Variants in PRSS38 observed in about 807,000 individuals in gnomAD.
The protein encoded by PRSS38 is marapsin 2.
A neutral mutation model predicts 26.8 loss-of-function variants in PRSS38; 22 were observed. That is an observed-to-expected ratio of 0.82 (90% confidence interval 0.59 to 1.17). The LOEUF (loss-of-function observed/expected upper bound fraction) is 1.17, where lower values mean the gene tolerates loss of function less well. PRSS38 is among the 50% of genes most tolerant of loss of function. The pLI, the probability that PRSS38 is intolerant of heterozygous loss-of-function variation, is 0.00. For synonymous variants in PRSS38, 175 were observed against 172.1 expected (o/e 1.02, Z -0.13); for missense variants, 427 against 422.7 (o/e 1.01, Z -0.09).
chr1:227,827,462 T>A (rs1665091431), intron 3 of PRSS38, among the ~76,000 whole-genome samples: 2 of 152,150 alleles, frequency 1.3e-5, no homozygotes, highest in Admixed American at 6.5e-5. Flanking sequence ...TAGATTTTTT[T>A]AGTTTATCTG....
rs540693204 is a variant in PRSS38, at chr1:227,828,865, G to A, written c.583+11385G>A. On this transcript the variant is annotated intron_variant, in intron 3 of 4. Coordinates refer to ENST00000366757, the Ensembl canonical transcript of PRSS38. ...TGTGCCTGAGTGGCTACTCTGTCAG[G>A]ACTCCACACAGCTCTGTGTAGAGAG... is the stretch of plus-strand genomic sequence containing the variant. 6.7e-3 allele frequency among the ~76,000 whole-genome samples: 1,019 copies of A among 152,228 alleles called. 17 individuals carry two copies. The highest frequency in any genetic ancestry group is 0.023 in the African/African-American group (976 of 41,536).
intron 3 of PRSS38, among the ~76,000 whole-genome samples, chr1:227,832,610 C>T (rs1455152921): frequency 6.6e-6 from 1 of 152,104 alleles, no homozygotes; most frequent in African/African-American, 2.4e-5. Context: ...AATTAAGATG[C>T]CTGCTTTCAC....
intron 3 of PRSS38, among the ~76,000 whole-genome samples, chr1:227,841,418 C>G (rs755595442): frequency 6.6e-6 from 1 of 152,234 alleles, no homozygotes; most frequent in Non-Finnish European, 1.5e-5. Context: ...TGAGAGGAAC[C>G]GCAAGACATA....
intron 3 of PRSS38, among the ~76,000 whole-genome samples, chr1:227,821,071 G>A (rs1480533482): frequency 2.6e-5 from 4 of 152,124 alleles, no homozygotes; most frequent in Middle Eastern, 6.8e-3. Context: ...GATAAAAAGT[G>A]GAATTAAAAA....
rs201176685 is a variant in PRSS38 at position 227,817,204 on chromosome 1, C to G, written c.312-5C>G. On this transcript the variant is annotated splice_region_variant and splice_polypyrimidine_tract_variant and intron_variant, in intron 2 of 4. Coordinates refer to ENST00000366757, the Ensembl canonical transcript of PRSS38. ...GGCATTGTACCTCTGTTCTCACCCCCACAGGGACAAGAATATCAAAATCTA... is the reference window on the plus strand; with the variant it reads ...GGCATTGTACCTCTGTTCTCACCCCGACAGGGACAAGAATATCAAAATCTA... 3.7e-6 allele frequency: 6 copies of G among 1,611,650 alleles called. No homozygotes were observed. Among genetic ancestry groups the G allele is most frequent in the East Asian group, 2.2e-5 (1 of 44,812 alleles).
intron 3 of PRSS38, among the ~76,000 whole-genome samples, chr1:227,818,852 C>G (rs1664961206): frequency 6.6e-6 from 1 of 151,968 alleles, no homozygotes; most frequent in Non-Finnish European, 1.5e-5. Flanking sequence ...TTAGCTATTT[C>G]TTGAAGGTTT....
At position 227,816,109 on chromosome 1, in the gene PRSS38, G is replaced by A. The variant is rs773569448; in HGVS notation, c.168G>A (p.Met56Ile). 5.6e-6 allele frequency: 9 copies of A among 1,613,344 alleles called. No individual in the cohort carries two copies. In the South Asian group the frequency reaches 7.7e-5, roughly 14 times the overall value. Residue 56 changes from methionine to isoleucine, a missense_variant, in exon 2 of 5, where the codon ATG becomes ATA. Coordinates refer to ENST00000366757, the Ensembl canonical transcript of PRSS38. The surrounding 1 kb of genome is among the most constrained non-coding windows in gnomAD (Gnocchi z 5.1). ...CTGCAGCCTGTGGTCGGCCCAGCAT[G>A]GAGGGGAAAATCCTGGGCGGCGTCC...
At chr1:227,820,557 G>C (rs1178826137) in intron 3 of PRSS38, among the ~76,000 whole-genome samples, 1 of 151,900 alleles carries the variant, frequency 6.6e-6, no homozygotes, top group African/African-American at 2.4e-5. Flanking sequence ...TTCTTATGTT[G>C]AATTACACTT....
chr1:227,845,826 G>A (rs953153845), intron 4 of PRSS38, 128 bp from the exon 5 acceptor site: 1 of 1,368,658 alleles, frequency 7.3e-7, no homozygotes, highest in East Asian at 2.3e-5. Flanking sequence ...GGGAGGCTGG[G>A]TGAGAGGGGG....
intron 1 of PRSS38, 61 bp downstream of exon 1, chr1:227,815,925 G>A (rs1459972493): frequency 1.3e-6 from 2 of 1,541,206 alleles, no homozygotes; most frequent in Non-Finnish European, 1.8e-6. Flanking sequence ...GCGTCTGTCG[G>A]TGCTGGGCCT....
intron 3 of PRSS38, among the ~76,000 whole-genome samples, chr1:227,822,021 C>T (rs1665010180): frequency 6.6e-6 from 1 of 152,064 alleles, no homozygotes; most frequent in South Asian, 2.1e-4. Flanking sequence ...ACTTTCCTTC[C>T]TCTTTTTTCC....
At chr1:227,825,069 T>C (rs1363224801) in intron 3 of PRSS38, among the ~76,000 whole-genome samples, 1 of 152,236 alleles carries the variant, frequency 6.6e-6, no homozygotes, top group African/African-American at 2.4e-5. Flanking sequence ...AGCTCTTTAG[T>C]TTAATTAGAT....
chr1:227,835,924 C>T (rs4350202), intron 3 of PRSS38, among the ~76,000 whole-genome samples: 64,254 of 151,904 alleles, frequency 0.42, 14,696 homozygotes, highest in African/African-American at 0.61. Context: ...TTTAATGTAA[C>T]GTAAATTTTG....
chr1:227,842,236 T>C (rs1294779123), intron 3 of PRSS38, among the ~76,000 whole-genome samples: 1 of 152,168 alleles, frequency 6.6e-6, no homozygotes, highest in African/African-American at 2.4e-5. Flanking sequence ...CTATCTGTGA[T>C]CTATAGGCCC....
chr1:227,815,930 G>A, intron 1 of PRSS38, 66 bp downstream of exon 1: 1 of 1,537,352 alleles, frequency 6.5e-7, no homozygotes, highest in Non-Finnish European at 8.8e-7. Flanking sequence ...TGTCGGTGCT[G>A]GGCCTCCTCC....
At chr1:227,831,833 C>A (rs187597006) in intron 3 of PRSS38, among the ~76,000 whole-genome samples, 8 of 152,084 alleles carry the variant, frequency 5.3e-5, no homozygotes, top group African/African-American at 1.9e-4. Context: ...GTCTGAGTGA[C>A]AGAGCGAGAC....
chr1:227,844,883 TCCTC>T (rs1665397019), intron 3 of PRSS38, among the ~76,000 whole-genome samples: 1 of 143,206 alleles, frequency 7.0e-6, no homozygotes, highest in Non-Finnish European at 1.5e-5. Flanking sequence ...GGGGTGGGGC[TCCTC>T]CCTATGTACG....
chr1:227,837,499 A>G (rs1477126729), intron 3 of PRSS38, among the ~76,000 whole-genome samples: 1 of 152,222 alleles, frequency 6.6e-6, no homozygotes, highest in Non-Finnish European at 1.5e-5. Flanking sequence ...TAGTCCTGCT[A>G]ATAGACGTCT....
chr1:227,823,075 C>T (rs1162612896), intron 3 of PRSS38, among the ~76,000 whole-genome samples: 1 of 152,100 alleles, frequency 6.6e-6, no homozygotes, highest in Non-Finnish European at 1.5e-5. Context: ...GGTAATTTCT[C>T]ATCCCCCATC....
Sources: allele counts gnomAD v4.1 joint callset (sites outside exome capture counted in the v4.1 genomes callset), GRCh38; gene constraint gnomAD v4.1.1; non-coding constraint Gnocchi (gnomAD v3.1); transcripts MANE v1.5; gene names NCBI Gene and HGNC (gene_info 2026-07-23, HGNC 2026-07-21).